PKHD1: variants seen among roughly 807,000 people sequenced by gnomAD.
The protein encoded by PKHD1 is fibrocystin.
In PKHD1, 291 loss-of-function variants were observed where a neutral mutation model predicts 412.0. The observed-to-expected ratio is 0.71, with a 90% CI of 0.64 to 0.78. The LOEUF is 0.78. Among genes scored for constraint, PKHD1 ranks in the 30% least tolerant of loss-of-function variants. The pLI is 0.00. For missense variants in PKHD1, 4,825 were observed against 4,950.7 expected (o/e 0.97, Z 0.76); for synonymous variants, 1,777 against 1,821.5 (o/e 0.98, Z 0.62).
intron 60 of PKHD1, among the ~76,000 whole-genome samples, chr6:51,715,729 C>T (rs1156870564): frequency 6.6e-6 from 1 of 152,158 alleles, no homozygotes; most frequent in Admixed American, 6.6e-5. Context: ...TAGAAAGAGA[C>T]ATTTAAACAC....
At chr6:51,661,141 T>C (rs1772791068) in intron 60 of PKHD1, among the ~76,000 whole-genome samples, 2 of 152,164 alleles carry the variant, frequency 1.3e-5, no homozygotes, top group South Asian at 2.1e-4. Flanking sequence ...TTAGGGCTTC[T>C]GTGTCAGCAA....
chr6:51,691,731 A>T (rs1778179200), intron 60 of PKHD1, among the ~76,000 whole-genome samples: 1 of 152,132 alleles, frequency 6.6e-6, no homozygotes, highest in Non-Finnish European at 1.5e-5. Flanking sequence ...TGGGTGACAA[A>T]ATAATCTGTA....
intron 60 of PKHD1, chr6:51,721,096 T>C: frequency 1.0e-6 from 1 of 984,352 alleles, no homozygotes; most frequent in Non-Finnish European, 1.2e-6. Flanking sequence ...CTGTAACTAT[T>C]TCCTCCATCA....
intron 32 of PKHD1, among the ~76,000 whole-genome samples, chr6:52,024,230 G>A (rs1425575539): frequency 1.3e-5 from 2 of 152,156 alleles, no homozygotes; most frequent in Non-Finnish European, 2.9e-5. Context: ...GGCAGATAGG[G>A]TCTAAAACTA....
At chr6:51,899,653 G>T (rs1246876390) in intron 43 of PKHD1, among the ~76,000 whole-genome samples, 1 of 151,658 alleles carries the variant, frequency 6.6e-6, no homozygotes, top group Non-Finnish European at 1.5e-5. Context: ...CATAGTGTTG[G>T]AAGTTCTGGC....
At chr6:51,836,263 C>T (rs1321018863) in intron 51 of PKHD1, 141 bp downstream of exon 51, 8 of 705,686 alleles carry the variant, frequency 1.1e-5, no homozygotes, top group African/African-American at 1.1e-4. Flanking sequence ...TACAGGGCAA[C>T]ACAATAGAGA....
rs185585102 is a variant in PKHD1, at chr6:51,995,965, G to A, written c.5751+14344C>T. The stretch of plus-strand genomic sequence containing the variant: ...ACTCAGACAATGCCTGGGACCCTCT[G>A]AGTGATCTGTAAATCATGTTTCAGA... On this transcript the variant is annotated intron_variant, in intron 35 of 66. Coordinates refer to ENST00000371117, the MANE Select transcript of PKHD1 (RefSeq NM_138694.4). Among the ~76,000 whole-genome samples, 147 of 151,954 alleles carry A rather than the reference G, an allele frequency of 9.7e-4. 1 individual carries two copies. In the South Asian group the frequency reaches 0.016, roughly 16 times the overall value.
intron 10 of PKHD1, among the ~76,000 whole-genome samples, chr6:52,070,098 A>T (rs747716401): frequency 1.3e-5 from 2 of 152,196 alleles, no homozygotes; most frequent in African/African-American, 4.8e-5. Context: ...TCATGAAACC[A>T]TGTTCCTTAT....
intron 43 of PKHD1, among the ~76,000 whole-genome samples, chr6:51,891,712 AACAC>A (rs58262423): frequency 0.033 from 4,685 of 143,734 alleles, 104 homozygotes; most frequent in East Asian, 0.085. Flanking sequence ...TTCCACAAGG[AACAC>A]ACACACACAC....
rs371226697 is a variant in PKHD1 at position 51,807,479 on chromosome 6, A to G, written c.8303-16106T>C. The stretch of plus-strand genomic sequence containing the variant: ...AAAAAATATATATATATATATATAT[A>G]TGTATATGTGTGTGTGTGTGTGTGT... On this transcript the variant is annotated intron_variant, in intron 52 of 66. Transcript: ENST00000371117. 8.4e-3 allele frequency among the ~76,000 whole-genome samples: 869 copies of G among 103,412 alleles called. 21 individuals are homozygous for G. The highest frequency in any genetic ancestry group is 0.025 in the African/African-American group (510 of 20,104). The allele number at this position is 103,412 out of a possible 152,430, so 67.8% of individuals were successfully genotyped here. A position where few individuals can be genotyped will look rare whatever the true frequency, so the allele number is the denominator to read the frequency against.
Position 51,872,875 on chromosome 6 carries a change from C to CTT in PKHD1, c.7351-2238_7351-2237dup, listed in dbSNP as rs33953182. ...CAGAACTTTCACCTTCCATCGTTTC[C>CTT]TTTTTTTTTTTTTTTTTTTTTTTTC... On this transcript the variant is annotated intron_variant, in intron 46 of 66. Coordinates refer to ENST00000371117, the MANE Select transcript of PKHD1 (RefSeq NM_138694.4). Among the ~76,000 whole-genome samples, 324 of 81,438 alleles carry CTT rather than the reference C, an allele frequency of 4.0e-3. 3 individuals are homozygous for CTT. Among genetic ancestry groups the CTT allele is most frequent in the African/African-American group, 6.3e-3 (122 of 19,250 alleles). 53.4% of individuals were successfully genotyped at this position (81,438 alleles called of 152,430 possible).
chr6:51,828,845 G>A (rs1016216977), intron 52 of PKHD1, among the ~76,000 whole-genome samples: 2 of 151,982 alleles, frequency 1.3e-5, no homozygotes, highest in Non-Finnish European at 2.9e-5. Context: ...AATCAGAAGG[G>A]AAGAGTAAGG....
rs568967678 is a variant in PKHD1 at position 51,772,494 on chromosome 6, C to A, written c.8642+208G>T. Among the ~76,000 whole-genome samples the A allele has an allele frequency of 2.0e-5, 3 of 151,850 alleles. No individual in the cohort carries two copies. The South Asian group carries it at 6.2e-4, about 32-fold the overall frequency. ...ATTTTCTCCTGAAATAAACTGTGTT[C>A]CTCTATTACCTTTTGCATGTTTTGT... On this transcript the variant is annotated intron_variant, in intron 55 of 66. Transcript: ENST00000371117.
chr6:51,903,926 T>TA, intron 42 of PKHD1, 60 bp downstream of exon 42: 3 of 1,206,144 alleles, frequency 2.5e-6, no homozygotes, highest in Non-Finnish European at 2.4e-6. Context: ...GGCTTGTCTA[T>TA]AAAATATATG....
intron 49 of PKHD1, among the ~76,000 whole-genome samples, chr6:51,852,422 C>T (rs191656750): frequency 6.6e-6 from 1 of 152,164 alleles, no homozygotes; most frequent in East Asian, 1.9e-4. Flanking sequence ...TAGGTCCACT[C>T]GATCCAGAGC....
chr6:51,848,015 C>A lies in PKHD1; in HGVS notation c.7912-45G>T, dbSNP rs769913145. 2.3e-6 allele frequency: 3 copies of A among 1,323,464 alleles called. No homozygotes were observed. In the South Asian group the frequency reaches 3.5e-5, roughly 16 times the overall value. 82.0% of individuals were successfully genotyped at this position (1,323,464 alleles called of 1,614,324 possible). ...ACAATAGTGCTCATTTAGTAAGGAA[C>A]CCCATCATTCCACCTACTCCACCAC... On this transcript the variant is annotated intron_variant, in intron 49 of 66. Transcript: ENST00000371117.
At chr6:52,083,365 G>T in intron 2 of PKHD1, 110 bp from the exon 3 acceptor site, 2 of 772,266 alleles carry the variant, frequency 2.6e-6, no homozygotes, top group Non-Finnish European at 4.6e-6. Flanking sequence ...AGAAAGGCTT[G>T]ATTAAGCACA....
intron 52 of PKHD1, among the ~76,000 whole-genome samples, chr6:51,797,827 G>A (rs903269875): frequency 7.9e-5 from 12 of 152,094 alleles, no homozygotes; most frequent in African/African-American, 2.7e-4. Flanking sequence ...TTGATATTGT[G>A]TGTATTTGAT....
intron 51 of PKHD1, among the ~76,000 whole-genome samples, chr6:51,834,495 C>T (rs1462475237): frequency 6.6e-6 from 1 of 151,636 alleles, no homozygotes; most frequent in Non-Finnish European, 1.5e-5. Flanking sequence ...ATTGGATTGA[C>T]CCATTCAAAC....
Sources: gnomAD v4.1 joint callset for allele counts (sites outside exome capture counted in the v4.1 genomes callset) on GRCh38, gnomAD v4.1.1 for gene constraint, MANE v1.5 for transcripts, NCBI Gene and HGNC (gene_info 2026-07-23, HGNC 2026-07-21) for gene names.